Variants in AMN1 observed in about 807,000 individuals in gnomAD.
AMN1 encodes protein AMN1 homolog.
AMN1 carries 20 observed loss-of-function variants against 33.0 expected under a neutral mutation model. The ratio of observed to expected loss-of-function variants is 0.61; its 90% CI spans 0.43 to 0.88. AMN1 has a LOEUF of 0.88. Among genes scored for constraint, AMN1 ranks in the 40% least tolerant of loss-of-function variants. The pLI is 0.00. For missense variants in AMN1, 246 were observed against 307.4 expected, an observed-to-expected ratio of 0.80 and a Z score of 1.49; for synonymous variants, 114 against 111.9, an observed-to-expected ratio of 1.02 and a Z score of -0.12.
At chr12:31,726,524 G>C (rs1030457030) in intron 1 of AMN1, among the ~76,000 whole-genome samples, 1 of 152,180 alleles carries the variant, frequency 6.6e-6, no homozygotes, top group Non-Finnish European at 1.5e-5. Flanking sequence ...TCATGTCCCA[G>C]ATCCAAAGGA....
chr12:31,718,247 T>TG (rs1425813695), intron 1 of AMN1, among the ~76,000 whole-genome samples: 3 of 152,034 alleles, frequency 2.0e-5, no homozygotes, highest in Non-Finnish European at 2.9e-5. Context: ...TCTCATGCTG[T>TG]GTTTTTCAGC....
At chr12:31,674,013 CTT>C (rs58813002) in intron 6 of AMN1, among the ~76,000 whole-genome samples, 10 of 144,218 alleles carry the variant, frequency 6.9e-5, no homozygotes, top group Admixed American at 1.4e-4. Context: ...AAAGTCTTAT[CTT>C]TTTTTTTTTT....
rs1443973262 is a variant in AMN1, at chr12:31,729,009, C to G, written c.-1G>C. 6 of 1,544,088 alleles carry G rather than the reference C, an allele frequency of 3.9e-6. No individual in the cohort carries two copies. The highest frequency in any genetic ancestry group is 1.2e-5 in the South Asian group (1 of 83,736). ...GACTGACCCGCCGTGGGCGAGGCAT[C>G]GCTGCAGCGTCTGAAGCCTCTTCCG... On this transcript the variant is annotated 5_prime_UTR_variant, in exon 1 of 7. Coordinates refer to ENST00000281471, the MANE Select transcript of AMN1 (RefSeq NM_001113402.2).
At chr12:31,721,093 A>G (rs978470392) in intron 1 of AMN1, among the ~76,000 whole-genome samples, 1 of 152,228 alleles carries the variant, frequency 6.6e-6, no homozygotes, top group Non-Finnish European at 1.5e-5. Flanking sequence ...ACAAAAGTGA[A>G]TGCAGAGCCT....
chr12:31,706,311 CAAAAAAAAA>C (rs3032986), intron 2 of AMN1, among the ~76,000 whole-genome samples: 8 of 66,026 alleles, frequency 1.2e-4, no homozygotes, highest in African/African-American at 4.0e-4. Context: ...GACTCCGTCT[CAAAAAAAAA>C]AAAAAAAAAA....
Position 31,709,064 on chromosome 12 carries a change from A to G in AMN1, c.171+229T>C, listed in dbSNP as rs150816425. 2.4e-3 allele frequency: 1,387 copies of G among 567,876 alleles called. 18 individuals carry two copies. The highest frequency in any genetic ancestry group is 0.023 in the African/African-American group (1,230 of 53,416). The allele number at this position is 567,876 out of a possible 1,614,324, so 35.2% of individuals were successfully genotyped here. A position where few individuals can be genotyped will look rare whatever the true frequency, so the allele number is the denominator to read the frequency against. On this transcript the variant is annotated intron_variant, in intron 2 of 6. Coordinates refer to ENST00000281471, the MANE Select transcript of AMN1 (RefSeq NM_001113402.2). ...ATGGTGGTGTACACCTATAGTCCCA[A>G]CTACTCAGGAGGCTGAAGAGGGATC...
At chr12:31,676,543 C>T (rs917342863) in intron 6 of AMN1, among the ~76,000 whole-genome samples, 8 of 151,148 alleles carry the variant, frequency 5.3e-5, no homozygotes, top group African/African-American at 9.8e-5. Context: ...AGGATGGTCT[C>T]GATCTCCTGA....
At chr12:31,704,166 T>C (rs907357581) in intron 2 of AMN1, among the ~76,000 whole-genome samples, 2 of 152,216 alleles carry the variant, frequency 1.3e-5, no homozygotes, top group African/African-American at 4.8e-5. Flanking sequence ...AAAAGGTTTT[T>C]TTAAATCAAT....
intron 1 of AMN1, among the ~76,000 whole-genome samples, chr12:31,726,021 A>G (rs1940050251): frequency 6.6e-6 from 1 of 151,948 alleles, no homozygotes; most frequent in Non-Finnish European, 1.5e-5. Context: ...TTTCTTTCAG[A>G]TTCAAAATTA....
intron 1 of AMN1, among the ~76,000 whole-genome samples, chr12:31,716,290 TTTA>T (rs1287947937): frequency 2.0e-5 from 3 of 152,244 alleles, no homozygotes; most frequent in Non-Finnish European, 4.4e-5. Flanking sequence ...TTTGTAACTC[TTTA>T]TTATTATGAA....
chr12:31,701,755 TTC>T, intron 3 of AMN1, 106 bp downstream of exon 3: 1 of 912,736 alleles, frequency 1.1e-6, no homozygotes, highest in Admixed American at 3.7e-5. Context: ...TAATTCATAT[TTC>T]TCTGACTTCT....
chr12:31,688,937 G>A (rs1351478874), intron 6 of AMN1, 70 bp downstream of exon 6: 2 of 953,212 alleles, frequency 2.1e-6, no homozygotes, highest in East Asian at 2.6e-5. Context: ...AATGGGTTAA[G>A]TAATGTACTC....
intron 1 of AMN1, chr12:31,715,242 A>T: frequency 6.4e-6 from 1 of 155,896 alleles, no homozygotes. Context: ...ATCAGCTTCT[A>T]GAATATTTGT....
intron 6 of AMN1, among the ~76,000 whole-genome samples, chr12:31,685,807 A>AAAAAAAAG (rs561225051): frequency 3.1e-4 from 46 of 146,342 alleles, no homozygotes; most frequent in East Asian, 2.0e-4. Context: ...TATCAAAAAA[A>AAAAAAAAG]AAAGAAAGAA....
At position 31,697,743 on chromosome 12, in the gene AMN1, A is replaced by C. The variant is rs761917394; in HGVS notation, c.531T>G (p.Thr177=). 1.7e-5 allele frequency: 27 copies of C among 1,613,604 alleles called. No homozygotes were observed. Among genetic ancestry groups the C allele is most frequent in the Non-Finnish European group, 2.3e-5 (27 of 1,179,548 alleles). Residue 177 remains threonine (T), a synonymous_variant, in exon 4 of 7, where the codon ACT becomes ACG. Coordinates refer to ENST00000281471, the MANE Select transcript of AMN1 (RefSeq NM_001113402.2). Reference sequence around the variant, plus strand: ...TTGTAGCCTATATGTCATTTACCTGAGTAGCTGAAAAGTCGACACACTGCA... The same window carrying C: ...TTGTAGCCTATATGTCATTTACCTGCGTAGCTGAAAAGTCGACACACTGCA... ...PFLQCVDFSA[T]QVSDSGVIAL...
Position 31,697,415 on chromosome 12 carries a change from T to A in AMN1, c.537A>T (p.Val179=). The part of the protein sequence containing the change: ...LQCVDFSATQ[V]SDSGVIALVS... ...CAAGTGCAATCACACCACTGTCAGA[T>A]ACCTAAGCAAAGGGAAAAAGAAACA... Residue 179 remains valine (V), a splice_region_variant and synonymous_variant, in exon 5 of 7, where the codon GTA becomes GTT. Transcript: ENST00000281471. 6.2e-7 allele frequency: 1 copy of A among 1,612,878 alleles called. No individual in the cohort carries two copies. The highest frequency in any genetic ancestry group is 8.5e-7 in the Non-Finnish European group (1 of 1,179,386).
chr12:31,696,546 A>T (rs1033055288), intron 5 of AMN1, among the ~76,000 whole-genome samples: 1 of 152,182 alleles, frequency 6.6e-6, no homozygotes, highest in Non-Finnish European at 1.5e-5. Flanking sequence ...CAGAAACCAA[A>T]ATCCTGGGAT....
At chr12:31,705,391 A>T (rs1939186047) in intron 2 of AMN1, among the ~76,000 whole-genome samples, 1 of 151,998 alleles carries the variant, frequency 6.6e-6, no homozygotes, top group Non-Finnish European at 1.5e-5. Context: ...CTAGCTACTC[A>T]GGAGGCTGAG....
chr12:31,702,660 A>G (rs1244847996), intron 2 of AMN1, among the ~76,000 whole-genome samples: 2 of 152,122 alleles, frequency 1.3e-5, no homozygotes, highest in East Asian at 1.9e-4. Context: ...AAAAATTATA[A>G]TAAGTTATAA....
Sources: allele counts gnomAD v4.1 joint callset (sites outside exome capture counted in the v4.1 genomes callset), GRCh38; gene constraint gnomAD v4.1.1; transcripts MANE v1.5; gene names NCBI Gene and HGNC (gene_info 2026-07-23, HGNC 2026-07-21).